NIPAL2: variants seen among roughly 807,000 people sequenced by gnomAD.
NIPAL2 encodes NIPA-like protein 2.
Under a neutral mutation model 48.9 loss-of-function variants are expected in NIPAL2, and 43 were observed. The ratio of observed to expected loss-of-function variants is 0.88; its 90% CI spans 0.69 to 1.13. NIPAL2 has a LOEUF of 1.13. Ranked by LOEUF, NIPAL2 falls within the 50% of genes most tolerant of loss-of-function variation. NIPAL2 has a pLI of 0.00. For synonymous variants in NIPAL2, 167 were observed against 174.6 expected, an observed-to-expected ratio of 0.96 and a Z score of 0.34; for missense variants, 446 against 461.4, an observed-to-expected ratio of 0.97 and a Z score of 0.31.
intron 3 of NIPAL2, among the ~76,000 whole-genome samples, chr8:98,244,634 C>A (rs1813206419): frequency 8.6e-6 from 1 of 116,464 alleles, no homozygotes; most frequent in South Asian, 2.7e-4. Flanking sequence ...ATGGGGGGTG[C>A]TGGCCATGGT....
intron 3 of NIPAL2, among the ~76,000 whole-genome samples, chr8:98,241,837 A>G (rs924137253): frequency 2.0e-5 from 3 of 152,126 alleles, no homozygotes; most frequent in Admixed American, 6.5e-5. Flanking sequence ...AACTCTTTCT[A>G]TCCTCCCAGC....
At chr8:98,255,163 C>T (rs1484318836) in intron 1 of NIPAL2, among the ~76,000 whole-genome samples, 3 of 152,098 alleles carry the variant, frequency 2.0e-5, no homozygotes, top group Non-Finnish European at 2.9e-5. Flanking sequence ...TCGTGTAACA[C>T]AAGAACTATA....
At chr8:98,286,474 G>T (rs1331003548) in intron 1 of NIPAL2, among the ~76,000 whole-genome samples, 1 of 152,064 alleles carries the variant, frequency 6.6e-6, no homozygotes, top group Non-Finnish European at 1.5e-5. Flanking sequence ...TTTACATTAG[G>T]GATCAGTCAG....
intron 1 of NIPAL2, among the ~76,000 whole-genome samples, chr8:98,288,286 T>C (rs1373144505): frequency 1.3e-5 from 2 of 148,262 alleles, no homozygotes; most frequent in African/African-American, 2.5e-5. Context: ...TGAGAATATG[T>C]GGTGTTTGGT....
intron 6 of NIPAL2, among the ~76,000 whole-genome samples, chr8:98,210,153 T>C (rs1475867769): frequency 6.6e-6 from 1 of 152,110 alleles, no homozygotes; most frequent in African/African-American, 2.4e-5. Context: ...CCTTTTTAAT[T>C]AATTTTAATT....
chr8:98,259,070 C>CTTTTTTTTTTTTTTTTTT (rs869220202), intron 1 of NIPAL2, among the ~76,000 whole-genome samples: 1 of 41,872 alleles, frequency 2.4e-5, no homozygotes, highest in African/African-American at 1.1e-4. Context: ...TTAAATATTC[C>CTTTTTTTTTTTTTTTTTT]TTTTTTTTTT....
intron 1 of NIPAL2, among the ~76,000 whole-genome samples, chr8:98,268,633 AAAAC>A (rs1272556861): frequency 6.6e-6 from 1 of 151,634 alleles, no homozygotes; most frequent in Non-Finnish European, 1.5e-5. Context: ...AAAAAAAAAA[AAAAC>A]AAGAAGAAAG....
At chr8:98,245,923 A>G (rs889405651) in intron 3 of NIPAL2, among the ~76,000 whole-genome samples, 2 of 152,184 alleles carry the variant, frequency 1.3e-5, no homozygotes, top group Non-Finnish European at 2.9e-5. Flanking sequence ...GAAAAGTGAT[A>G]TTTTCTGCAT....
intron 5 of NIPAL2, among the ~76,000 whole-genome samples, chr8:98,216,771 A>T (rs1336296412): frequency 6.6e-6 from 1 of 152,230 alleles, no homozygotes; most frequent in Non-Finnish European, 1.5e-5. Flanking sequence ...GGTGAGCAAA[A>T]TAGCCATGAC....
chr8:98,219,087 T>C (rs1343148615), intron 5 of NIPAL2, among the ~76,000 whole-genome samples: 1 of 151,610 alleles, frequency 6.6e-6, no homozygotes, highest in African/African-American at 2.4e-5. Flanking sequence ...GGAGAAGTCA[T>C]GTGTAGTTTA....
At chr8:98,226,967 A>G (rs1352324399) in intron 4 of NIPAL2, among the ~76,000 whole-genome samples, 1 of 152,204 alleles carries the variant, frequency 6.6e-6, no homozygotes, top group African/African-American at 2.4e-5. Flanking sequence ...CTAGGCTGAC[A>G]CCAAAACCAC....
chr8:98,225,682 T>C (rs542433195), intron 4 of NIPAL2, among the ~76,000 whole-genome samples: 1 of 152,356 alleles, frequency 6.6e-6, no homozygotes, highest in East Asian at 1.9e-4. Flanking sequence ...GTAGCTTCTT[T>C]GGGTTAAATC....
chr8:98,211,450 G>A (rs1811311726), intron 6 of NIPAL2, among the ~76,000 whole-genome samples: 1 of 152,058 alleles, frequency 6.6e-6, no homozygotes, highest in South Asian at 2.1e-4. Flanking sequence ...GTTTCTATAA[G>A]TAACTATCAA....
In NIPAL2 at chr8:98,193,386, T is replaced by G. The variant is rs76909221; in HGVS notation, c.1040-296A>C. On this transcript the variant is annotated intron_variant, in intron 10 of 10. Transcript: ENST00000430223. ...GATTCACATGAAGCATTCACTCACCTCCAAGCCTTTCTCTCTGGGGTTGTG... is the reference window on the plus strand; with the variant it reads ...GATTCACATGAAGCATTCACTCACCGCCAAGCCTTTCTCTCTGGGGTTGTG... 4,586 of 1,614,020 alleles carry G rather than the reference T, an allele frequency of 2.8e-3. 120 individuals carry two copies. The African/African-American group carries it at 0.054, about 19-fold the overall frequency.
chr8:98,282,330 C>T (rs551577132), intron 1 of NIPAL2, among the ~76,000 whole-genome samples: 21 of 152,256 alleles, frequency 1.4e-4, no homozygotes, highest in African/African-American at 4.3e-4. Context: ...ACTCAAAGAA[C>T]ACAAAGATAC....
intron 5 of NIPAL2, among the ~76,000 whole-genome samples, chr8:98,214,252 C>T (rs529541781): frequency 1.2e-4 from 18 of 152,104 alleles, no homozygotes; most frequent in African/African-American, 4.1e-4. Context: ...AAACCTCTCC[C>T]TCTTGGGTTC....
chr8:98,231,569 T>C (rs996419992), intron 4 of NIPAL2, among the ~76,000 whole-genome samples: 2 of 152,326 alleles, frequency 1.3e-5, no homozygotes, highest in South Asian at 2.1e-4. Flanking sequence ...GAAAATCCTA[T>C]AGTTTTCAGC....
intron 9 of NIPAL2, 35 bp downstream of exon 9, chr8:98,195,907 A>C (rs368470304): frequency 6.9e-7 from 1 of 1,448,244 alleles, no homozygotes; most frequent in South Asian, 1.2e-5. Flanking sequence ...AAGTAATAGA[A>C]TTTCACATGC....
At chr8:98,286,838 AAAAC>A (rs1347674199) in intron 1 of NIPAL2, among the ~76,000 whole-genome samples, 13 of 151,230 alleles carry the variant, frequency 8.6e-5, no homozygotes, top group African/African-American at 2.4e-4. Context: ...AAAAAAACCA[AAAAC>A]AAACAAACAC....
Sources: allele counts gnomAD v4.1 joint callset (sites outside exome capture counted in the v4.1 genomes callset), GRCh38; gene constraint gnomAD v4.1.1; transcripts MANE v1.5; gene names NCBI Gene and HGNC (gene_info 2026-07-23, HGNC 2026-07-21).